Variants in GPC4 observed in about 807,000 individuals in gnomAD.
GPC4 encodes glypican 4.
Under a neutral mutation model 35.0 loss-of-function variants are expected in GPC4, and 10 were observed. The observed-to-expected ratio is 0.29, with a 90% CI of 0.18 to 0.48. The LOEUF (loss-of-function observed/expected upper bound fraction) is 0.48. Among genes scored for constraint, GPC4 ranks in the 20% least tolerant of loss-of-function variants. The pLI is 0.99. For synonymous variants in GPC4, 167 were observed against 170.2 expected, an observed-to-expected ratio of 0.98 and a Z score of 0.15; for missense variants, 322 against 451.3, an observed-to-expected ratio of 0.71 and a Z score of 2.60.
chrX:133,316,382 A>T (rs2068338505), intron 3 of GPC4, among the ~76,000 whole-genome samples: 1 of 111,769 alleles, frequency 8.9e-6, no homozygotes, highest in Admixed American at 9.5e-5. Flanking sequence ...GAGTAGGTGT[A>T]CTTGACTTCC....
intron 3 of GPC4, chrX:133,311,644 C>T (rs1251327986): frequency 6.9e-6 from 3 of 436,193 alleles, no homozygotes; most frequent in Admixed American, 3.7e-5. Context: ...AAACAAGGTG[C>T]ACCAACTCCC....
At position 133,414,789 on chromosome X, in the gene GPC4, C is replaced by T. The variant is rs1294310869; in HGVS notation, c.160+17G>A. On this transcript the variant is annotated intron_variant, in intron 1 of 8. Transcript: ENST00000370828. ...AGTGTCGGTCTCTGCGCCCACCTCC[C>T]GGGTGTGCCCACCTACCGTTGATCT... The T allele has an allele frequency of 8.3e-7, 1 of 1,208,104 alleles. No individual in the cohort carries two copies. Among genetic ancestry groups the T allele is most frequent in the East Asian group, 3.0e-5 (1 of 33,721 alleles).
intron 1 of GPC4, among the ~76,000 whole-genome samples, chrX:133,343,582 G>A (rs924894055): frequency 1.8e-5 from 2 of 111,708 alleles, no homozygotes; most frequent in African/African-American, 6.5e-5. Context: ...CATGGCCCTT[G>A]ATTAGTTTTT....
At chrX:133,381,090 G>C (rs1399053419) in intron 1 of GPC4, among the ~76,000 whole-genome samples, 1 of 111,422 alleles carries the variant, frequency 9.0e-6, no homozygotes, top group Non-Finnish European at 1.9e-5. Context: ...CAGCACAAGA[G>C]GCACATGGTA....
Position 133,339,353 on chromosome X carries a change from A to G in GPC4, c.161-12T>C. 1 of 1,202,254 alleles carries G rather than the reference A, an allele frequency of 8.3e-7. No homozygotes were observed. Among genetic ancestry groups the G allele is most frequent in the Admixed American group, 2.2e-5 (1 of 45,800 alleles). The stretch of plus-strand genomic sequence containing the variant: ...CTTCAAATGATCACCTGCAAGATAA[A>G]AAGTAAGACAGTCAATGTCTATCAT... On this transcript the variant is annotated splice_polypyrimidine_tract_variant and intron_variant, in intron 1 of 8. Transcript: ENST00000370828.
At chrX:133,386,077 A>T (rs1272224352) in intron 1 of GPC4, among the ~76,000 whole-genome samples, 1 of 108,950 alleles carries the variant, frequency 9.2e-6, no homozygotes, top group Non-Finnish European at 1.9e-5. Context: ...AATAAAATTT[A>T]AAAAAACTCT....
intron 2 of GPC4, among the ~76,000 whole-genome samples, chrX:133,325,978 T>C (rs761827975): frequency 1.8e-5 from 2 of 110,315 alleles, no homozygotes; most frequent in Non-Finnish European, 3.8e-5. Flanking sequence ...AAGTCCACAG[T>C]CCTCCCTGGT....
chrX:133,316,679 A>G (rs1303977035), intron 3 of GPC4, among the ~76,000 whole-genome samples: 2 of 111,943 alleles, frequency 1.8e-5, no homozygotes, highest in African/African-American at 6.5e-5. Context: ...GTTTAGTAAA[A>G]CAATAATGAC....
At position 133,359,724 on chromosome X, in the gene GPC4, T is replaced by C. The variant is rs756138502; in HGVS notation, c.161-20383A>G. 6.3e-5 allele frequency among the ~76,000 whole-genome samples: 7 copies of C among 110,839 alleles called. No homozygotes were observed. The South Asian group carries it at 2.7e-3, about 43-fold the overall frequency. On this transcript the variant is annotated intron_variant, in intron 1 of 8. Transcript: ENST00000370828. ...TCAGAGGTACTAGATCAAATAGTGG[T>C]AAACATGATGCCCTGCATCTAATCA...
Position 133,378,215 on chromosome X carries a change from T to C in GPC4, c.160+36591A>G, listed in dbSNP as rs188965955. 9.6e-3 allele frequency among the ~76,000 whole-genome samples: 1,069 copies of C among 111,458 alleles called. 14 individuals carry two copies. The highest frequency in any genetic ancestry group is 0.032 in the African/African-American group (990 of 30,661). ...CAATGGTTTTTAGTGTATTCAAAGTTGAACCATCTCTTCAGCCATCACCAC... is the reference window on the plus strand; with the variant it reads ...CAATGGTTTTTAGTGTATTCAAAGTCGAACCATCTCTTCAGCCATCACCAC... On this transcript the variant is annotated intron_variant, in intron 1 of 8. Transcript: ENST00000370828.
Position 133,304,766 on chromosome X carries a change from G to A in GPC4, c.1251C>T (p.Asn417=), listed in dbSNP as rs779372299. Residue 417 remains asparagine (N), a synonymous_variant, in exon 7 of 9, where the codon AAC becomes AAT. Coordinates refer to ENST00000370828, the MANE Select transcript of GPC4 (RefSeq NM_001448.3). ...CATTCCAACAGTCATCCTCATTGCC[G>A]TTTCCTGCAGCCATCCTCTCATCGT... ...VCNDERMAAG[N]GNEDDCWNGK... The A allele has an allele frequency of 1.3e-5, 16 of 1,209,788 alleles. No homozygotes were observed. The highest frequency in any genetic ancestry group is 8.7e-5 in the Admixed American group (4 of 45,776).
chrX:133,304,235 G>A (rs1392221974), intron 7 of GPC4, among the ~76,000 whole-genome samples: 1 of 110,958 alleles, frequency 9.0e-6, no homozygotes, highest in African/African-American at 3.3e-5. Flanking sequence ...GGGAGGTGGA[G>A]GTTGCAGTGA....
chrX:133,392,766 C>T (rs1055456785), intron 1 of GPC4, among the ~76,000 whole-genome samples: 2 of 110,733 alleles, frequency 1.8e-5, no homozygotes, highest in African/African-American at 6.6e-5. Context: ...GCTTATATAG[C>T]CCTCCTCCTT....
At chrX:133,398,966 T>G (rs1378584814) in intron 1 of GPC4, among the ~76,000 whole-genome samples, 1 of 111,246 alleles carries the variant, frequency 9.0e-6, no homozygotes, top group Non-Finnish European at 1.9e-5. Flanking sequence ...CTAATCTCCC[T>G]GGCCAGCCTA....
At position 133,414,826 on chromosome X, in the gene GPC4, G is replaced by A. The variant is rs778738705; in HGVS notation, c.140C>T (p.Ala47Val). The A allele has an allele frequency of 7.4e-6, 9 of 1,211,698 alleles. No homozygotes were observed. Among genetic ancestry groups the A allele is most frequent in the Non-Finnish European group, 8.9e-6 (8 of 895,275 alleles). The change falls in exon 1 of 9, where the codon GCC becomes GTC. Residue 47 changes from alanine (A) to valine (V), a missense_variant. Ala to Val is a moderately conservative substitution (Grantham distance 64). Transcript: ENST00000370828. ...YVSKGFNKND[A>V]PLHEINGDHL... ...CCTACCGTTGATCTCGTGGAGGGGG[G>A]CATCGTTCTTGTTGAAGCCTTTGGA...
intron 1 of GPC4, among the ~76,000 whole-genome samples, chrX:133,404,474 G>A (rs1217542014): frequency 4.8e-5 from 5 of 104,286 alleles, no homozygotes; most frequent in Admixed American, 1.0e-4. Flanking sequence ...TTGAACCCGG[G>A]AGGCGGAGGT....
intron 3 of GPC4, among the ~76,000 whole-genome samples, chrX:133,314,963 C>G (rs947316093): frequency 2.7e-5 from 3 of 110,965 alleles, no homozygotes; most frequent in African/African-American, 9.8e-5. Flanking sequence ...TCTGGACTAC[C>G]CTAGTGAGTA....
At chrX:133,344,845 A>G (rs781730138) in intron 1 of GPC4, among the ~76,000 whole-genome samples, 1 of 112,502 alleles carries the variant, frequency 8.9e-6, no homozygotes, top group South Asian at 3.7e-4. Context: ...CACTCTTGGT[A>G]CTCGGACTAA....
intron 1 of GPC4, among the ~76,000 whole-genome samples, chrX:133,376,807 C>T (rs2068635495): frequency 8.9e-6 from 1 of 111,885 alleles, no homozygotes; most frequent in Admixed American, 9.5e-5. Flanking sequence ...ACTGGGAAGG[C>T]TGGCTGTCTT....
Sources: gnomAD v4.1 joint callset for allele counts (sites outside exome capture counted in the v4.1 genomes callset) on GRCh38, gnomAD v4.1.1 for gene constraint, MANE v1.5 for transcripts, NCBI Gene and HGNC (gene_info 2026-07-23, HGNC 2026-07-21) for gene names.